The following ATP6V1H variants were observed in gnomAD, a reference collection of about 807,000 sequenced individuals.
ATP6V1H encodes the protein ATPase H+ transporting V1 subunit H, also known as V-type proton ATPase subunit H.
ATP6V1H carries 39 observed loss-of-function variants against 71.7 expected under a neutral mutation model. The ratio of observed to expected loss-of-function variants is 0.54; its 90% confidence interval spans 0.42 to 0.71. ATP6V1H has a LOEUF of 0.71. Ranked by LOEUF, ATP6V1H falls within the 30% of genes least tolerant of loss-of-function variation. The pLI, the probability that ATP6V1H is intolerant of heterozygous loss-of-function variation, is 0.00. For synonymous variants in ATP6V1H, 192 were observed against 199.3 expected (o/e 0.96, Z 0.31); for missense variants, 509 against 594.9 (o/e 0.86, Z 1.50).
intron 9 of ATP6V1H, among the ~76,000 whole-genome samples, chr8:53,775,223 C>T (rs542672519): frequency 2.5e-4 from 38 of 152,234 alleles, no homozygotes; most frequent in Non-Finnish European, 4.4e-4. Flanking sequence ...GGTTCATGGT[C>T]TCGCTGGCTC....
At chr8:53,750,488 T>A (rs550801953) in intron 12 of ATP6V1H, among the ~76,000 whole-genome samples, 1 of 152,276 alleles carries the variant, frequency 6.6e-6, no homozygotes, top group South Asian at 2.1e-4. Context: ...GCAAAGGACA[T>A]TATTCGAGGA....
intron 12 of ATP6V1H, among the ~76,000 whole-genome samples, chr8:53,755,844 G>A (rs1367546642): frequency 9.8e-6 from 1 of 102,172 alleles, no homozygotes; most frequent in East Asian, 3.3e-4. Context: ...TGCAAGCTCC[G>A]CCTCCCGGGT....
intron 13 of ATP6V1H, among the ~76,000 whole-genome samples, chr8:53,716,469 AAT>A (rs1170907355): frequency 6.6e-6 from 1 of 152,260 alleles, no homozygotes; most frequent in African/African-American, 2.4e-5. Flanking sequence ...GCTATTAGAG[AAT>A]ATGTGTATCT....
intron 12 of ATP6V1H, among the ~76,000 whole-genome samples, chr8:53,752,774 T>A (rs1316873220): frequency 3.3e-5 from 5 of 152,080 alleles, no homozygotes; most frequent in African/African-American, 1.2e-4. Context: ...ATGGTCTCGA[T>A]CTCTTGACCT....
intron 2 of ATP6V1H, among the ~76,000 whole-genome samples, chr8:53,835,389 G>A (rs183349909): frequency 5.9e-5 from 9 of 152,290 alleles, no homozygotes; most frequent in Non-Finnish European, 2.9e-5. Context: ...CTGGGAAGGT[G>A]AGGCACTCAG....
In ATP6V1H at chr8:53,842,241, C is replaced by A. The variant is rs79050667; in HGVS notation, c.-35-516G>T. On this transcript the variant is annotated intron_variant, in intron 1 of 13. Transcript: ENST00000359530. ...GAACATAATTTCTTAGAAGACAGTG[C>A]TTTCCTTTTCAAACAAAATTCATAG... Among the ~76,000 whole-genome samples the A allele has an allele frequency of 2.8e-3, 432 of 152,286 alleles. 1 individual carries two copies. The highest frequency in any genetic ancestry group is 0.01 in the African/African-American group (417 of 41,554).
At chr8:53,784,850 A>G (rs1291204184) in intron 9 of ATP6V1H, among the ~76,000 whole-genome samples, 8 of 152,184 alleles carry the variant, frequency 5.3e-5, no homozygotes, top group Admixed American at 5.2e-4. Flanking sequence ...TTCTTTAAGA[A>G]TGTTGAATAT....
chr8:53,740,424 C>T (rs1199640502), intron 13 of ATP6V1H, among the ~76,000 whole-genome samples: 3 of 152,146 alleles, frequency 2.0e-5, no homozygotes, highest in African/African-American at 7.2e-5. Flanking sequence ...GGCAAAGTGC[C>T]GCTGCTGCTG....
In ATP6V1H at chr8:53,773,884, AT is replaced by A. The variant is rs530649873; in HGVS notation, c.871-1718del. Among the ~76,000 whole-genome samples, 337 of 152,318 alleles carry A rather than the reference AT, an allele frequency of 2.2e-3. 2 individuals carry two copies. The highest frequency in any genetic ancestry group is 7.8e-3 in the African/African-American group (326 of 41,576). On this transcript the variant is annotated intron_variant, in intron 9 of 13. Coordinates refer to ENST00000359530, the MANE Select transcript of ATP6V1H (RefSeq NM_015941.4). Reference sequence around the variant, plus strand: ...AAACTACAATTTCTGAAATAAAAAAATATCAGCTGATGGACTTAAGAACCAA... The same window carrying A: ...AAACTACAATTTCTGAAATAAAAAAAATCAGCTGATGGACTTAAGAACCAA...
intron 8 of ATP6V1H, 141 bp from the exon 9 acceptor site, chr8:53,795,980 T>G (rs1187200185): frequency 4.1e-6 from 3 of 727,962 alleles, no homozygotes; most frequent in African/African-American, 1.8e-5. Flanking sequence ...AACAAGCAGC[T>G]AGATTGCTAC....
intron 9 of ATP6V1H, among the ~76,000 whole-genome samples, chr8:53,785,432 C>A (rs182165283): frequency 3.3e-5 from 5 of 152,284 alleles, no homozygotes; most frequent in Admixed American, 2.6e-4. Context: ...TCTAGTTAGC[C>A]ATTCGTCTAA....
At chr8:53,732,092 GT>G (rs1488109371) in intron 13 of ATP6V1H, among the ~76,000 whole-genome samples, 1 of 152,180 alleles carries the variant, frequency 6.6e-6, no homozygotes, top group African/African-American at 2.4e-5. Context: ...TGGCACTTTG[GT>G]TTTGGTTTTG....
chr8:53,750,079 GT>G (rs1807740824), intron 12 of ATP6V1H, among the ~76,000 whole-genome samples: 1 of 152,110 alleles, frequency 6.6e-6, no homozygotes, highest in Non-Finnish European at 1.5e-5. Flanking sequence ...CATATTAAAG[GT>G]TACAAGTCCA....
chr8:53,803,037 T>C (rs900697130), intron 7 of ATP6V1H, among the ~76,000 whole-genome samples: 16 of 152,098 alleles, frequency 1.1e-4, no homozygotes, highest in Non-Finnish European at 1.6e-4. Context: ...CTTAAGACTT[T>C]AAGAAGTAGA....
intron 2 of ATP6V1H, chr8:53,839,608 A>G (rs1811280466): frequency 1.0e-6 from 1 of 985,264 alleles, no homozygotes; most frequent in African/African-American, 1.7e-5. Flanking sequence ...CTCTAGACTT[A>G]TCACCTACAA....
At chr8:53,825,502 G>A (rs1810798328) in intron 4 of ATP6V1H, among the ~76,000 whole-genome samples, 1 of 151,918 alleles carries the variant, frequency 6.6e-6, no homozygotes, top group South Asian at 2.1e-4. Flanking sequence ...AAACTGCGAA[G>A]GGAACTAGCC....
At chr8:53,761,046 C>T (rs1280075676) in intron 11 of ATP6V1H, among the ~76,000 whole-genome samples, 1 of 151,948 alleles carries the variant, frequency 6.6e-6, no homozygotes, top group South Asian at 2.1e-4. Context: ...AAGAAAAATA[C>T]CATATACTAG....
In ATP6V1H at chr8:53,718,082, G is replaced by A. The variant is rs1030959751; in HGVS notation, c.1392-2058C>T. Among the ~76,000 whole-genome samples the A allele has an allele frequency of 4.6e-5, 7 of 152,330 alleles. No individual in the cohort carries two copies. The South Asian group carries it at 8.3e-4, about 18-fold the overall frequency. On this transcript the variant is annotated intron_variant, in intron 13 of 13. Transcript: ENST00000359530. ...TAAGTTATCACAAAGGGTCCTGTGC[G>A]TCTGGTCACAGACAGGCTCCCACCT...
In ATP6V1H at chr8:53,719,588, C is replaced by T. The variant is rs113606674; in HGVS notation, c.1392-3564G>A. Among the ~76,000 whole-genome samples, 350 of 152,324 alleles carry T rather than the reference C, an allele frequency of 2.3e-3. 2 individuals are homozygous for T. The highest frequency in any genetic ancestry group is 8.0e-3 in the African/African-American group (331 of 41,566). ...TGCCAGGCACAGGGGGTCCTGCCAT[C>T]GAGGGCCTGAAGCTGGGAACACAGG... On this transcript the variant is annotated intron_variant, in intron 13 of 13. Coordinates refer to ENST00000359530, the MANE Select transcript of ATP6V1H (RefSeq NM_015941.4).
Sources: gnomAD v4.1 joint callset for allele counts (sites outside exome capture counted in the v4.1 genomes callset) on GRCh38, gnomAD v4.1.1 for gene constraint, MANE v1.5 for transcripts, NCBI Gene and HGNC (gene_info 2026-07-23, HGNC 2026-07-21) for gene names.